Variants in SMARCA1 observed in about 807,000 individuals in gnomAD.
SMARCA1 encodes the protein SWI/SNF-related matrix-associated actin-dependent regulator of chromatin subfamily A member 1.
Under a neutral mutation model 93.6 loss-of-function variants are expected in SMARCA1, and 17 were observed. The ratio of observed to expected loss-of-function variants is 0.18; its 90% CI spans 0.12 to 0.27. SMARCA1 has a LOEUF of 0.27. Among genes scored for constraint, SMARCA1 ranks in the 10% least tolerant of loss-of-function variants. The pLI is 1.00. For missense variants in SMARCA1, 630 were observed against 819.0 expected (o/e 0.77, Z 2.82); for synonymous variants, 271 against 271.4 (o/e 1.00, Z 0.01).
intron 1 of SMARCA1, among the ~76,000 whole-genome samples, chrX:129,521,044 A>ATT (rs61606302): frequency 0.092 from 9,435 of 102,901 alleles, 664 homozygotes; most frequent in African/African-American, 0.24. Context: ...CACTTGGCTA[A>ATT]TTTTTTTTTT....
intron 23 of SMARCA1, among the ~76,000 whole-genome samples, chrX:129,460,544 G>A (rs1055250237): frequency 1.8e-5 from 2 of 110,536 alleles, no homozygotes; most frequent in African/African-American, 6.6e-5. Flanking sequence ...CCTGCTACTC[G>A]GGAGGTTGAG....
intron 12 of SMARCA1, among the ~76,000 whole-genome samples, chrX:129,495,869 T>C (rs1297226362): frequency 9.6e-6 from 1 of 104,562 alleles, no homozygotes; most frequent in African/African-American, 3.5e-5. Context: ...GCCTCCCAGG[T>C]TCAAGCAATT....
intron 20 of SMARCA1, among the ~76,000 whole-genome samples, chrX:129,470,192 C>G (rs1030351939): frequency 9.0e-6 from 1 of 111,517 alleles, no homozygotes; most frequent in Non-Finnish European, 1.9e-5. Flanking sequence ...TGCTGGCAAC[C>G]CTCTATACTA....
chrX:129,457,087 C>T lies in SMARCA1; in HGVS notation c.3030+8433G>A, dbSNP rs1041222724. On this transcript the variant is annotated intron_variant, in intron 23 of 24. Coordinates refer to ENST00000371121, the MANE Select transcript of SMARCA1 (RefSeq NM_001282874.2). ...TCTCTGAAGAAATTGCCACAGCCAC[C>T]CCAACCTTCAGCAACAACCACCCTG... 4.5e-5 allele frequency among the ~76,000 whole-genome samples: 5 copies of T among 111,596 alleles called. No individual in the cohort carries two copies. In the Admixed American group the frequency reaches 4.8e-4, roughly 11 times the overall value.
At chrX:129,499,133 G>A (rs1353236676) in intron 10 of SMARCA1, among the ~76,000 whole-genome samples, 1 of 111,241 alleles carries the variant, frequency 9.0e-6, no homozygotes, top group Admixed American at 9.5e-5. Flanking sequence ...GACTTCCTGG[G>A]CTCCAGTAAT....
At position 129,489,947 on chromosome X, in the gene SMARCA1, T is replaced by G. The variant is rs897723902; in HGVS notation, c.1948+113A>C. On this transcript the variant is annotated intron_variant, in intron 15 of 24. Transcript: ENST00000371121. ...CATGGGATACACAGTGATGTTTCAATTTTTCCTCTAAGTTTTCAAATTTTG... is the reference window on the plus strand; with the variant it reads ...CATGGGATACACAGTGATGTTTCAAGTTTTCCTCTAAGTTTTCAAATTTTG... 1.8e-5 allele frequency: 9 copies of G among 495,946 alleles called. No homozygotes were observed. In the African/African-American group the frequency reaches 1.9e-4, roughly 11 times the overall value. The allele number at this position is 495,946 out of a possible 1,213,427, so 40.9% of individuals were successfully genotyped here.
intron 20 of SMARCA1, among the ~76,000 whole-genome samples, chrX:129,469,836 A>G (rs1933034777): frequency 8.9e-6 from 1 of 112,409 alleles, no homozygotes; most frequent in Non-Finnish European, 1.9e-5. Context: ...ATATACTCCA[A>G]GTCATGTAGC....
In SMARCA1 at chrX:129,471,190, T is replaced by G. The variant is rs767053268; in HGVS notation, c.2565+14A>C. The G allele has an allele frequency of 1.0e-5, 12 of 1,175,995 alleles. No homozygotes were observed. Among genetic ancestry groups the G allele is most frequent in the Middle Eastern group, 2.4e-4 (1 of 4,167 alleles). On this transcript the variant is annotated intron_variant, in intron 20 of 24. Coordinates refer to ENST00000371121, the MANE Select transcript of SMARCA1 (RefSeq NM_001282874.2). The stretch of plus-strand genomic sequence containing the variant: ...GATTGACTGTAAGTATTACAGCCAT[T>G]GAAAATATTTTACTTGTGTGAGAAG...
At position 129,520,838 on chromosome X, in the gene SMARCA1, G is replaced by A. The variant is rs780386854; in HGVS notation, c.174+2359C>T. ...AACTAGAGGTGTTTAAAAAGTGATCGCTAACAGCCTGGCAATTAAGGAAGA... is the reference window on the plus strand; with the variant it reads ...AACTAGAGGTGTTTAAAAAGTGATCACTAACAGCCTGGCAATTAAGGAAGA... On this transcript the variant is annotated intron_variant, in intron 1 of 24. Coordinates refer to ENST00000371121, the MANE Select transcript of SMARCA1 (RefSeq NM_001282874.2). 6.2e-5 allele frequency among the ~76,000 whole-genome samples: 7 copies of A among 112,075 alleles called. No homozygotes were observed. The South Asian group carries it at 2.3e-3, about 36-fold the overall frequency.
intron 19 of SMARCA1, among the ~76,000 whole-genome samples, chrX:129,471,630 A>G (rs766296064): frequency 1.8e-5 from 2 of 111,343 alleles, no homozygotes; most frequent in South Asian, 7.7e-4. Context: ...ACAAACAAAA[A>G]GTTTAGTGGT....
intron 9 of SMARCA1, among the ~76,000 whole-genome samples, chrX:129,503,964 CAAAAAAA>C (rs77290378): frequency 1.7e-5 from 1 of 60,205 alleles, no homozygotes; most frequent in African/African-American, 6.1e-5. Context: ...GACTCTCTCT[CAAAAAAA>C]AAAAAAAAAA....
intron 13 of SMARCA1, among the ~76,000 whole-genome samples, chrX:129,492,412 A>G (rs113189179): frequency 1.9e-4 from 21 of 111,827 alleles, no homozygotes; most frequent in Non-Finnish European, 3.2e-4. Flanking sequence ...GTAATAATTC[A>G]TTTACATTAT....
At chrX:129,481,315 A>T in intron 17 of SMARCA1, 130 bp from the exon 18 acceptor site, 1 of 455,943 alleles carries the variant, frequency 2.2e-6, no homozygotes, top group Non-Finnish European at 3.7e-6. Flanking sequence ...TTGCCTTATA[A>T]ATCACAATTT....
In SMARCA1 at chrX:129,471,270, T is replaced by G. The variant is rs1232196800; in HGVS notation, c.2499A>C (p.Lys833Asn). The change falls in exon 20 of 25, where the codon AAA (lysine) becomes AAC (asparagine). Residue 833 changes from lysine (K) to asparagine (N), a missense_variant. Coordinates refer to ENST00000371121, the MANE Select transcript of SMARCA1 (RefSeq NM_001282874.2). ...TAAGAGGTTCAGCTCCATCAATCTT[T>G]TTTTGCTCTTCTCTTTGAGCCAGAG... is the stretch of plus-strand genomic sequence containing the variant. Reference protein sequence around the residue: ...NPALAQREEQKKIDGAEPLTP... With the variant: ...NPALAQREEQNKIDGAEPLTP... 1 of 1,200,370 alleles carries G rather than the reference T, an allele frequency of 8.3e-7. No homozygotes were observed. Among genetic ancestry groups the G allele is most frequent in the Admixed American group, 2.2e-5 (1 of 45,925 alleles).
In SMARCA1 at chrX:129,465,946, A is replaced by G. The variant is rs1376048995; in HGVS notation, c.2715T>C (p.Arg905=). The change falls in exon 22 of 25, where the codon CGT becomes CGC. Residue 905 remains arginine (R), a synonymous_variant. Coordinates refer to ENST00000371121, the MANE Select transcript of SMARCA1 (RefSeq NM_001282874.2). ...TCTCAATGTCCTGTAATTCATTGCA[A>G]CGTTCCCAAAATACAGCTGAAAAAC... The part of the protein sequence containing the change: ...VMEYSAVFWE[R]CNELQDIEKI... The G allele has an allele frequency of 1.8e-6, 2 of 1,099,656 alleles. No homozygotes were observed. The highest frequency in any genetic ancestry group is 2.6e-5 in the Admixed American group (1 of 38,228). 90.6% of individuals were successfully genotyped at this position (1,099,656 alleles called of 1,213,427 possible).
rs1932117762 is a variant in SMARCA1, at chrX:129,448,522, G to A, written c.3031-79C>T. ...AACGCTGACAACTATTTAACTGTAT[G>A]ATTTCTGTGGTATAGAATTTCCAAA... is the stretch of plus-strand genomic sequence containing the variant. On this transcript the variant is annotated intron_variant, in intron 23 of 24. Coordinates refer to ENST00000371121, the MANE Select transcript of SMARCA1 (RefSeq NM_001282874.2). 6.7e-6 allele frequency: 6 copies of A among 889,662 alleles called. No individual in the cohort carries two copies. The East Asian group carries it at 1.9e-4, about 28-fold the overall frequency. The allele number at this position is 889,662 out of a possible 1,213,427, so 73.3% of individuals were successfully genotyped here.
At chrX:129,512,787 C>T (rs1342991373) in intron 5 of SMARCA1, among the ~76,000 whole-genome samples, 1 of 111,726 alleles carries the variant, frequency 9.0e-6, no homozygotes. Flanking sequence ...AATGTTTATA[C>T]TCCTTAACCC....
Position 129,489,075 on chromosome X carries a change from A to G in SMARCA1, c.1959T>C (p.Ile653=). The stretch of plus-strand genomic sequence containing the variant: ...TTGCCAGCTTGTTAGACTGTTGGTC[A>G]ATGAGTCTTCCTAATGATAAAAATT... ...DSIVIQQGRL[I]DQQSNKLAKE... Residue 653 remains isoleucine (I), a synonymous_variant, in exon 16 of 25, where the codon ATT becomes ATC. Transcript: ENST00000371121. 1 of 1,176,974 alleles carries G rather than the reference A, an allele frequency of 8.5e-7. No individual in the cohort carries two copies. The highest frequency in any genetic ancestry group is 1.2e-6 in the Non-Finnish European group (1 of 866,164).
intron 16 of SMARCA1, among the ~76,000 whole-genome samples, chrX:129,487,641 T>C (rs1254305249): frequency 1.8e-5 from 2 of 112,231 alleles, no homozygotes; most frequent in Non-Finnish European, 3.8e-5. Flanking sequence ...CACACTGTGA[T>C]TAACTCAAAA....
Sources: allele counts gnomAD v4.1 joint callset (sites outside exome capture counted in the v4.1 genomes callset), GRCh38; gene constraint gnomAD v4.1.1; transcripts MANE v1.5; gene names NCBI Gene and HGNC (gene_info 2026-07-23, HGNC 2026-07-21).